The following MARCHF1 variants were observed in gnomAD, a reference collection of about 807,000 sequenced individuals.
MARCHF1 encodes the protein membrane associated ring-CH-type finger 1.
Under a neutral mutation model 54.2 loss-of-function variants are expected in MARCHF1, and 40 were observed. The observed-to-expected ratio is 0.74, with a 90% CI of 0.57 to 0.96. The LOEUF (loss-of-function observed/expected upper bound fraction) is 0.96. MARCHF1 is among the 40% of genes least tolerant of loss of function. The probability of loss-of-function intolerance (pLI) is 0.00; values close to 1 mark genes in which losing one functional copy is unlikely to be tolerated. For synonymous variants in MARCHF1, 236 were observed against 236.3 expected (o/e 1.00, Z 0.01); for missense variants, 586 against 656.5 (o/e 0.89, Z 1.17).
chr4:164,285,744 A>T (rs1282316129), intron 1 of MARCHF1, among the ~76,000 whole-genome samples: 2 of 149,880 alleles, frequency 1.3e-5, no homozygotes, highest in Non-Finnish European at 3.0e-5. Flanking sequence ...TACAGGCGTG[A>T]GCCACCGCGA....
intron 5 of MARCHF1, among the ~76,000 whole-genome samples, chr4:163,667,923 G>A (rs112995482): frequency 0.091 from 13,916 of 152,098 alleles, 683 homozygotes; most frequent in South Asian, 0.11. Flanking sequence ...CACAGCGCCT[G>A]GCTGCCAAAC....
chr4:163,837,578 AAAG>A (rs2111119871), intron 4 of MARCHF1, among the ~76,000 whole-genome samples: 1 of 152,158 alleles, frequency 6.6e-6, no homozygotes, highest in South Asian at 2.1e-4. Flanking sequence ...CAAAACCATT[AAAG>A]AAGAACATTT....
chr4:164,081,631 A>C (rs967917290), intron 2 of MARCHF1, among the ~76,000 whole-genome samples: 2 of 152,112 alleles, frequency 1.3e-5, no homozygotes, highest in South Asian at 2.1e-4. Flanking sequence ...GAAAAAAGGA[A>C]AAAATGACTT....
At chr4:163,767,338 C>CT (rs199922569) in intron 4 of MARCHF1, among the ~76,000 whole-genome samples, 5,045 of 141,728 alleles carry the variant, frequency 0.036, 100 homozygotes, top group East Asian at 0.074. Context: ...ATTGCATTGC[C>CT]TTTTTTTTTT....
intron 5 of MARCHF1, among the ~76,000 whole-genome samples, chr4:163,653,072 G>GGA (rs35188920): frequency 0.35 from 53,449 of 151,544 alleles, 10,830 homozygotes; most frequent in African/African-American, 0.55. Context: ...GTAAGGGGAT[G>GGA]GAGTCATTGG....
In MARCHF1 at chr4:163,950,108, C is replaced by T. The variant is rs142994229; in HGVS notation, c.-39+38393G>A. ...CCCTCAGGGCACAGGCCAGGCCCAG[C>T]CTGAAGGTGGGGTTTCACTGGCGAC... is the stretch of plus-strand genomic sequence containing the variant. On this transcript the variant is annotated intron_variant, in intron 3 of 9. Coordinates refer to ENST00000514618, the MANE Select transcript of MARCHF1 (RefSeq NM_001394959.1). Among the ~76,000 whole-genome samples, 349 of 152,260 alleles carry T rather than the reference C, an allele frequency of 2.3e-3. 3 individuals carry two copies. Among genetic ancestry groups the T allele is most frequent in the African/African-American group, 7.6e-3 (317 of 41,554 alleles).
chr4:163,526,406 C>T lies in MARCHF1; in HGVS notation c.*2342G>A, dbSNP rs1738107004. ...AGAGAAATCAACATTTCTTTGTTTG[C>T]TGGTGTCTGGATGTTTTTCCCCGGG... On this transcript the variant is annotated 3_prime_UTR_variant, in exon 10 of 10. Coordinates refer to ENST00000514618, the MANE Select transcript of MARCHF1 (RefSeq NM_001394959.1). The T allele has an allele frequency of 1.3e-5, 2 of 152,006 alleles. No homozygotes were observed. The highest frequency in any genetic ancestry group is 6.6e-5 in the Admixed American group (1 of 15,248). 9.4% of individuals were successfully genotyped at this position (152,006 alleles called of 1,614,324 possible).
chr4:164,378,843 C>G (rs1350292363), intron 1 of MARCHF1, among the ~76,000 whole-genome samples: 3 of 152,150 alleles, frequency 2.0e-5, no homozygotes, highest in Non-Finnish European at 4.4e-5. Context: ...TCCCAAGTAG[C>G]TGGGATTACA....
At chr4:164,237,273 C>T (rs950839409) in intron 1 of MARCHF1, among the ~76,000 whole-genome samples, 1 of 152,120 alleles carries the variant, frequency 6.6e-6, no homozygotes, top group Non-Finnish European at 1.5e-5. Flanking sequence ...ACACCAGAAA[C>T]CTTTTTTCTG....
intron 4 of MARCHF1, among the ~76,000 whole-genome samples, chr4:163,728,801 T>C (rs1167568010): frequency 1.3e-5 from 2 of 152,210 alleles, no homozygotes; most frequent in Non-Finnish European, 2.9e-5. Context: ...CCTTTTCTTG[T>C]CTTATTGCAT....
intron 2 of MARCHF1, among the ~76,000 whole-genome samples, chr4:164,068,646 T>C (rs559532314): frequency 7.2e-5 from 11 of 152,236 alleles, no homozygotes; most frequent in African/African-American, 2.6e-4. Context: ...CCACCTGCCA[T>C]GGGCTCATGC....
At chr4:163,756,854 A>G (rs1201248187) in intron 4 of MARCHF1, among the ~76,000 whole-genome samples, 1 of 152,116 alleles carries the variant, frequency 6.6e-6, no homozygotes, top group East Asian at 1.9e-4. Flanking sequence ...GATATGTCTA[A>G]AGAAAAAGCA....
chr4:164,316,484 C>G (rs1735000077), intron 1 of MARCHF1, among the ~76,000 whole-genome samples: 1 of 151,890 alleles, frequency 6.6e-6, no homozygotes. Flanking sequence ...CATTGTGCTT[C>G]CTATAAAAAG....
chr4:164,220,641 ATATATGCATATATGTAATATATATGC>A (rs1732077532), intron 1 of MARCHF1, among the ~76,000 whole-genome samples: 2 of 144,736 alleles, frequency 1.4e-5, no homozygotes, highest in African/African-American at 5.1e-5. Flanking sequence ...TATATATGCT[ATATATGCATATATGTAATATATATGC>A]TATATGTATA....
chr4:163,857,003 A>C (rs1326520922), intron 3 of MARCHF1, among the ~76,000 whole-genome samples: 1 of 145,140 alleles, frequency 6.9e-6, no homozygotes, highest in Non-Finnish European at 1.5e-5. Context: ...ATAGAACAGG[A>C]CTTTGTCTCG....
At chr4:164,105,394 A>C (rs528939304) in intron 2 of MARCHF1, among the ~76,000 whole-genome samples, 1 of 151,198 alleles carries the variant, frequency 6.6e-6, no homozygotes, top group Non-Finnish European at 1.5e-5. Flanking sequence ...ACAAAACAGC[A>C]TGGTACTGGT....
chr4:163,931,225 GTTGT>G (rs1209874411), intron 3 of MARCHF1, among the ~76,000 whole-genome samples: 1 of 152,140 alleles, frequency 6.6e-6, no homozygotes, highest in African/African-American at 2.4e-5. Context: ...ATAAATTTCT[GTTGT>G]TTAAGTCACC....
chr4:163,562,034 C>T (rs1412637438), intron 8 of MARCHF1, among the ~76,000 whole-genome samples: 2 of 152,084 alleles, frequency 1.3e-5, no homozygotes, highest in South Asian at 2.1e-4. Context: ...TGGTGGCTCA[C>T]GCCTGTAATT....
At chr4:164,262,357 G>T (rs1428314408) in intron 1 of MARCHF1, among the ~76,000 whole-genome samples, 1 of 152,052 alleles carries the variant, frequency 6.6e-6, no homozygotes, top group Non-Finnish European at 1.5e-5. Context: ...GGCTCACTTT[G>T]CATGTTTAAG....
Sources: allele counts gnomAD v4.1 joint callset (sites outside exome capture counted in the v4.1 genomes callset), GRCh38; gene constraint gnomAD v4.1.1; transcripts MANE v1.5; gene names NCBI Gene and HGNC (gene_info 2026-07-23, HGNC 2026-07-21).